Variants in DCTN4 observed in about 807,000 individuals in gnomAD.
The protein encoded by DCTN4 is dynactin subunit 4.
In DCTN4, 23 loss-of-function variants were observed where a neutral mutation model predicts 62.7. The observed-to-expected ratio is 0.37, with a 90% CI of 0.26 to 0.52. The LOEUF is 0.52. Among genes scored for constraint, DCTN4 ranks in the 20% least tolerant of loss-of-function variants. DCTN4 has a pLI of 0.92. For synonymous variants in DCTN4, 199 were observed against 202.1 expected, an observed-to-expected ratio of 0.98 and a Z score of 0.13; for missense variants, 514 against 580.4, an observed-to-expected ratio of 0.89 and a Z score of 1.18.
intron 8 of DCTN4, among the ~76,000 whole-genome samples, chr5:150,725,731 T>A (rs1053510824): frequency 6.6e-6 from 1 of 152,208 alleles, no homozygotes; most frequent in African/African-American, 2.4e-5. Context: ...TAATATACTT[T>A]AATAATTTCA....
intron 2 of DCTN4, 27 bp downstream of exon 2, chr5:150,756,390 G>GA (rs547830830): frequency 5.9e-3 from 8,177 of 1,379,210 alleles, no homozygotes; most frequent in Non-Finnish European, 6.5e-3. Context: ...AAAATAGGAA[G>GA]AAAAAAAAAA....
At chr5:150,744,671 T>A (rs905185050) in intron 3 of DCTN4, among the ~76,000 whole-genome samples, 8 of 151,668 alleles carry the variant, frequency 5.3e-5, no homozygotes, top group Non-Finnish European at 8.8e-5. Context: ...CAACCCAGAA[T>A]TTCATATCCA....
At chr5:150,722,246 C>CA (rs1351374437) in intron 9 of DCTN4, among the ~76,000 whole-genome samples, 8 of 152,146 alleles carry the variant, frequency 5.3e-5, no homozygotes, top group Non-Finnish European at 1.0e-4. Flanking sequence ...CAAAGCTAGA[C>CA]AATACTTTCC....
chr5:150,741,750 G>A (rs1760778146), intron 4 of DCTN4, among the ~76,000 whole-genome samples: 1 of 152,168 alleles, frequency 6.6e-6, no homozygotes, highest in African/African-American at 2.4e-5. Context: ...CCAAAGTATT[G>A]GGATTACAGG....
chr5:150,738,786 AG>A (rs1303062731), intron 4 of DCTN4, among the ~76,000 whole-genome samples: 1 of 152,230 alleles, frequency 6.6e-6, no homozygotes, highest in East Asian at 1.9e-4. Flanking sequence ...AAAGAAATAA[AG>A]GGCATCCAAA....
intron 9 of DCTN4, among the ~76,000 whole-genome samples, chr5:150,721,729 T>G (rs1308252505): frequency 6.6e-6 from 1 of 152,242 alleles, no homozygotes; most frequent in Non-Finnish European, 1.5e-5. Flanking sequence ...GAATTCTCTA[T>G]GCCTGGGATA....
intron 8 of DCTN4, among the ~76,000 whole-genome samples, chr5:150,729,042 CT>C (rs61106544): frequency 0.04 from 2,069 of 52,110 alleles, 417 homozygotes; most frequent in African/African-American, 0.15. Flanking sequence ...ACCACACTGG[CT>C]TTTTTTTTTT....
chr5:150,731,106 G>T lies in DCTN4; in HGVS notation c.662C>A (p.Ala221Asp), dbSNP rs758253397. The change falls in exon 7 of 13, where the codon GCT (alanine) becomes GAT (aspartate). Residue 221 changes from alanine to aspartate, a missense_variant. Transcript: ENST00000447998. ...QKEIKIEPAQ[A>D]VDEVEPLPED... ...AGGTAGAGGTTCCACTTCATCCACA[G>T]CCTGAGCTGGCTCAATCTTTATCTC... 6 of 1,613,128 alleles carry T rather than the reference G, an allele frequency of 3.7e-6. No individual in the cohort carries two copies. The Admixed American group carries it at 1.0e-4, about 27-fold the overall frequency.
At chr5:150,722,369 T>A (rs1349357033) in intron 9 of DCTN4, among the ~76,000 whole-genome samples, 2 of 152,216 alleles carry the variant, frequency 1.3e-5, no homozygotes, top group African/African-American at 4.8e-5. Flanking sequence ...GGGTAAGTTT[T>A]AAGTGGCAGT....
Position 150,731,478 on chromosome 5 carries a change from A to C in DCTN4, c.549T>G (p.Gly183=). ...GTGGTCGCTGAAGCCTGGTTCCAAG[A>C]CCATATTTGTCCTAAACAAAGTTCA... The part of the protein sequence containing the change: ...YMPLAFSDKY[G]LGTRLQRPRA... Residue 183 remains glycine, a synonymous_variant, in exon 6 of 13, where the codon GGT becomes GGG. Transcript: ENST00000447998. 1 of 1,613,488 alleles carries C rather than the reference A, an allele frequency of 6.2e-7. No individual in the cohort carries two copies. The highest frequency in any genetic ancestry group is 8.5e-7 in the Non-Finnish European group (1 of 1,179,948).
Position 150,710,354 on chromosome 5 carries a change from C to A in DCTN4, c.*795G>T, listed in dbSNP as rs961695978. 2 of 152,290 alleles carry A rather than the reference C, an allele frequency of 1.3e-5. No individual in the cohort carries two copies. Among genetic ancestry groups the A allele is most frequent in the Non-Finnish European group, 2.9e-5 (2 of 68,034 alleles). 9.4% of individuals were successfully genotyped at this position (152,290 alleles called of 1,614,324 possible). ...AAGTAAGACAAATAAAGATTGCCCC[C>A]CTGTGGCAGCATTAATCCCTGGGTA... On this transcript the variant is annotated 3_prime_UTR_variant, in exon 13 of 13. Coordinates refer to ENST00000447998, the MANE Select transcript of DCTN4 (RefSeq NM_016221.4).
Position 150,708,744 on chromosome 5 carries a change from C to T in DCTN4, c.*2405G>A, listed in dbSNP as rs1433421109. 2.6e-5 allele frequency: 4 copies of T among 152,778 alleles called. No individual in the cohort carries two copies. The highest frequency in any genetic ancestry group is 5.9e-5 in the Non-Finnish European group (4 of 68,044). The allele number at this position is 152,778 out of a possible 1,614,324, so 9.5% of individuals were successfully genotyped here. A position where few individuals can be genotyped will look rare whatever the true frequency, so the allele number is the denominator to read the frequency against. On this transcript the variant is annotated 3_prime_UTR_variant, in exon 13 of 13. Transcript: ENST00000447998. ...TCTACATGAGAGCAAACAAAAGACA[C>T]GCTCAAGCTTTGTCTGCTTTATTTC...
intron 8 of DCTN4, among the ~76,000 whole-genome samples, chr5:150,726,931 C>G (rs548391279): frequency 1.3e-5 from 2 of 152,300 alleles, no homozygotes; most frequent in African/African-American, 4.8e-5. Context: ...ATTGTGACCA[C>G]AAAGCATCAT....
chr5:150,746,634 A>G (rs1221124114), intron 3 of DCTN4, among the ~76,000 whole-genome samples: 1 of 152,246 alleles, frequency 6.6e-6, no homozygotes, highest in Non-Finnish European at 1.5e-5. Context: ...CTGGTTCAAC[A>G]TACGCAAATC....
rs1034461436 is a variant in DCTN4, at chr5:150,752,119, G to C, written c.385+1360C>G. ...CCTCAGAAAAAAAAATACGGAGTTA[G>C]TGATGCTACTACTTATATAAAGCAT... On this transcript the variant is annotated intron_variant, in intron 3 of 12. Transcript: ENST00000447998. Among the ~76,000 whole-genome samples, 8 of 152,212 alleles carry C rather than the reference G, an allele frequency of 5.3e-5. No homozygotes were observed. In the South Asian group the frequency reaches 8.3e-4, roughly 16 times the overall value.
At chr5:150,743,705 C>T (rs906404496) in intron 3 of DCTN4, among the ~76,000 whole-genome samples, 1 of 152,184 alleles carries the variant, frequency 6.6e-6, no homozygotes, top group Non-Finnish European at 1.5e-5. Flanking sequence ...TGAAGTGGAC[C>T]TCTAGCAAAC....
chr5:150,756,139 T>A (rs1752853321), intron 2 of DCTN4, among the ~76,000 whole-genome samples: 1 of 151,678 alleles, frequency 6.6e-6, no homozygotes, highest in Non-Finnish European at 1.5e-5. Context: ...CCTCCCAGGT[T>A]CAAGCAATTC....
chr5:150,732,118 A>T (rs923718001), intron 5 of DCTN4, among the ~76,000 whole-genome samples: 1 of 152,196 alleles, frequency 6.6e-6, no homozygotes. Flanking sequence ...TTGCAAATGT[A>T]GGTGCTTTGC....
intron 1 of DCTN4, chr5:150,758,358 C>T (rs1752938682): frequency 1.0e-6 from 1 of 986,670 alleles, no homozygotes; most frequent in Non-Finnish European, 1.2e-6. Flanking sequence ...GCCCCAACCT[C>T]TTCCCGGCTG....
Sources: allele counts gnomAD v4.1 joint callset (sites outside exome capture counted in the v4.1 genomes callset), GRCh38; gene constraint gnomAD v4.1.1; transcripts MANE v1.5; gene names NCBI Gene and HGNC (gene_info 2026-07-23, HGNC 2026-07-21).